ATM: variants seen among roughly 807,000 people sequenced by gnomAD.
ATM encodes serine-protein kinase ATM.
In ATM, 308 loss-of-function variants were observed where a neutral mutation model predicts 387.0. That is an observed-to-expected ratio of 0.80 (90% CI 0.73 to 0.87). The LOEUF is 0.87. Among genes scored for constraint, ATM ranks in the 40% least tolerant of loss-of-function variants. ATM has a pLI of 0.00. For synonymous variants in ATM, 1,156 were observed against 1,187.3 expected, an observed-to-expected ratio of 0.97 and a Z score of 0.54; for missense variants, 3,312 against 3,560.9, an observed-to-expected ratio of 0.93 and a Z score of 1.78.
Position 108,293,491 on chromosome 11 carries a change from C to T in ATM, c.4776+14C>T, listed in dbSNP as rs774594399. 1 of 1,592,436 alleles carries T rather than the reference C, an allele frequency of 6.3e-7. No individual in the cohort carries two copies. The highest frequency in any genetic ancestry group is 8.6e-7 in the Non-Finnish European group (1 of 1,161,774). Reference sequence around the variant, plus strand: ...TCACTCTTGGAGGTAATAAAAATTTCATCATCTACTATTTTTTATTAGAGA... The same window carrying T: ...TCACTCTTGGAGGTAATAAAAATTTTATCATCTACTATTTTTTATTAGAGA... On this transcript the variant is annotated intron_variant, in intron 31 of 62. Transcript: ENST00000675843.
At chr11:108,254,117 A>C (rs1041821903) in intron 13 of ATM, 78 bp downstream of exon 13, 3 of 1,381,358 alleles carry the variant, frequency 2.2e-6, no homozygotes, top group East Asian at 2.4e-5. Flanking sequence ...AAATAGGGGC[A>C]GGAAAAACAG....
At chr11:108,235,550 C>T in intron 4 of ATM, 120 bp from the exon 5 acceptor site, 1 of 983,154 alleles carries the variant, frequency 1.0e-6, no homozygotes, top group East Asian at 2.6e-5. Context: ...AATTTCTTCT[C>T]TACAAAAGAA....
At chr11:108,364,982 C>A (rs2137854564) in intron 61 of ATM, 100 bp from the exon 62 acceptor site, 1 of 1,380,440 alleles carries the variant, frequency 7.2e-7, no homozygotes, top group Non-Finnish European at 1.0e-6. Context: ...CCATCAACTA[C>A]CATGTGACTG....
In ATM at chr11:108,268,589, A is replaced by G. The variant is rs1064795896; in HGVS notation, c.2818A>G (p.Lys940Glu). 1.2e-6 allele frequency: 2 copies of G among 1,613,930 alleles called. No individual in the cohort carries two copies. The highest frequency in any genetic ancestry group is 1.7e-6 in the Non-Finnish European group (2 of 1,180,012). ...LIDSSTLEPT[K>E]SLHLHMYLML... ...TGATTCTAGCACGCTAGAACCTACC[A>G]AATCCCTCCACCTGCATATGGTGAG... Residue 940 changes from lysine to glutamate, a missense_variant, in exon 18 of 63, where the codon AAA (lysine) becomes GAA (glutamate). Physicochemically the swap from Lys to Glu is moderately conservative, Grantham distance 56. Transcript: ENST00000675843.
intron 13 of ATM, among the ~76,000 whole-genome samples, chr11:108,255,424 T>A (rs1235260953): frequency 0.081 from 30 of 370 alleles, no homozygotes; most frequent in Non-Finnish European, 0.16. Context: ...TGTCTAAACT[T>A]TTTTTTTTTT....
chr11:108,254,214 CAAGAA>C (rs2080331691), intron 13 of ATM, among the ~76,000 whole-genome samples, 175 bp downstream of exon 13: 2 of 151,952 alleles, frequency 1.3e-5, no homozygotes, highest in Middle Eastern at 3.2e-3. Flanking sequence ...AAGGAAAACT[CAAGAA>C]TAATAATTTG....
chr11:108,292,307 G>C (rs2082837930), intron 29 of ATM, among the ~76,000 whole-genome samples: 1 of 152,186 alleles, frequency 6.6e-6, no homozygotes, highest in African/African-American at 2.4e-5. Flanking sequence ...CTGTTTTTCA[G>C]TTGGATTTTT....
Position 108,242,490 on chromosome 11 carries a change from A to G in ATM, c.497-1463A>G, listed in dbSNP as rs1269213157. On this transcript the variant is annotated intron_variant, in intron 5 of 62. Transcript: ENST00000675843. ...AGGCATACAGATTGGAAAGGAAGAAATAACACTCCCCTTTGTAGATGACAT... is the reference window on the plus strand; with the variant it reads ...AGGCATACAGATTGGAAAGGAAGAAGTAACACTCCCCTTTGTAGATGACAT... Among the ~76,000 whole-genome samples the G allele has an allele frequency of 3.3e-5, 5 of 152,212 alleles. No homozygotes were observed. In the East Asian group the frequency reaches 7.7e-4, roughly 23 times the overall value.
Position 108,354,888 on chromosome 11 carries a change from T to C in ATM, c.8850+14T>C, listed in dbSNP as rs1294857465. ...ACCATTGTAGAGGTAAAGTATTTTA[T>C]AAGGAAGACTTTATTTTTTTTCTTA... On this transcript the variant is annotated intron_variant, in intron 61 of 62. Coordinates refer to ENST00000675843, the MANE Select transcript of ATM (RefSeq NM_000051.4). The C allele has an allele frequency of 2.5e-6, 4 of 1,603,856 alleles. No individual in the cohort carries two copies. The highest frequency in any genetic ancestry group is 3.4e-6 in the Non-Finnish European group (4 of 1,170,802).
Position 108,348,691 on chromosome 11 carries a change from A to G in ATM, c.8671+1326A>G, listed in dbSNP as rs1219737375. Among the ~76,000 whole-genome samples, 2 of 152,290 alleles carry G rather than the reference A, an allele frequency of 1.3e-5. 1 individual carries two copies. Among genetic ancestry groups the G allele is most frequent in the Admixed American group, 1.3e-4 (2 of 15,296 alleles). On this transcript the variant is annotated intron_variant, in intron 59 of 62. Transcript: ENST00000675843. Reference sequence around the variant, plus strand: ...AAGAACAAAAATAATTAAAGGAAATAAGTTATCACAGGTTTCATTATTTTC... The same window carrying G: ...AAGAACAAAAATAATTAAAGGAAATGAGTTATCACAGGTTTCATTATTTTC...
intron 59 of ATM, among the ~76,000 whole-genome samples, chr11:108,352,325 G>T (rs2089306118): frequency 6.6e-6 from 1 of 152,140 alleles, no homozygotes; most frequent in South Asian, 2.1e-4. Flanking sequence ...TCTCAGTATA[G>T]AAGTAGATAT....
chr11:108,327,537 C>G lies in ATM; in HGVS notation c.6976-108C>G. ...TGAGGAAAAACTTTTTTTTTCCCAC[C>G]CACCAAGGAAAAACATTTTTAACCT... On this transcript the variant is annotated intron_variant, in intron 47 of 62. Coordinates refer to ENST00000675843, the MANE Select transcript of ATM (RefSeq NM_000051.4). The G allele has an allele frequency of 3.5e-6, 3 of 855,054 alleles. No homozygotes were observed. In the South Asian group the frequency reaches 4.5e-5, roughly 13 times the overall value. 53.0% of individuals were successfully genotyped at this position (855,054 alleles called of 1,614,324 possible).
At chr11:108,299,282 A>T (rs972451841) in intron 33 of ATM, among the ~76,000 whole-genome samples, 2 of 151,724 alleles carry the variant, frequency 1.3e-5, no homozygotes, top group Admixed American at 1.3e-4. Flanking sequence ...CCTCAACAAA[A>T]ATTTTAACAG....
At chr11:108,336,868 T>C (rs896080384) in intron 56 of ATM, among the ~76,000 whole-genome samples, 7 of 152,058 alleles carry the variant, frequency 4.6e-5, no homozygotes, top group African/African-American at 1.7e-4. Context: ...TTAACCAGTT[T>C]AGAAATAACA....
At chr11:108,324,535 G>A (rs898800660) in intron 45 of ATM, among the ~76,000 whole-genome samples, 3 of 152,084 alleles carry the variant, frequency 2.0e-5, no homozygotes, top group Non-Finnish European at 4.4e-5. Context: ...TCCGCAAAAA[G>A]TTTGAGACCT....
At position 108,248,949 on chromosome 11, in the gene ATM, C is replaced by G. The variant is rs1565378803; in HGVS notation, c.1082C>G (p.Thr361Ser). The G allele has an allele frequency of 1.2e-6, 2 of 1,609,106 alleles. No individual in the cohort carries two copies. The highest frequency in any genetic ancestry group is 1.7e-6 in the Non-Finnish European group (2 of 1,177,122). Residue 361 changes from threonine (T) to serine (S), a missense_variant, in exon 9 of 63, where the codon ACC becomes AGC. Around this residue, in one of 4 missense-constraint regions of ATM, gnomAD observed 1,791 missense variants for 1,804.5 expected, o/e 0.99. Coordinates refer to ENST00000675843, the MANE Select transcript of ATM (RefSeq NM_000051.4). ...DICHQVFNED[T>S]RSLEISQSYT... ...ATTTTACAGGTTTTTAATGAAGATA[C>G]CAGATCCTTGGAGATTTCTCAATCT...
chr11:108,235,829 G>A lies in ATM; in HGVS notation c.491G>A (p.Trp164Ter), dbSNP rs2135126288. Residue 164 changes from tryptophan to a stop codon, truncating the protein, a stop_gained, in exon 5 of 63, where the codon TGG becomes TAG. Transcript: ENST00000675843. LOFTEE classifies it high-confidence loss of function. ...KYWCEISQQQ[W>*]LELFSVYFRL... ...TGGTGTGAAATATCTCAGCAACAGT[G>A]GTTAGGTATGTTTTGAAGGTTGTTG... 6.2e-7 allele frequency: 1 copy of A among 1,613,738 alleles called. No individual in the cohort carries two copies.
chr11:108,294,858 CT>C lies in ATM; in HGVS notation c.4777-65del, dbSNP rs1035735880. ...TAAATGGCACTTAACTAATTTTTTT[CT>C]TTTATTAAGTTTTATTTCACAGGCT... On this transcript the variant is annotated intron_variant, in intron 31 of 62. Coordinates refer to ENST00000675843, the MANE Select transcript of ATM (RefSeq NM_000051.4). 66 of 1,573,932 alleles carry C rather than the reference CT, an allele frequency of 4.2e-5. No individual in the cohort carries two copies. In the African/African-American group the frequency reaches 8.0e-4, roughly 19 times the overall value.
rs1478503457 is a variant in ATM at position 108,309,080 on chromosome 11, A to G, written c.5763-1080A>G. 3.2e-5 allele frequency: 45 copies of G among 1,425,690 alleles called. No individual in the cohort carries two copies. Among genetic ancestry groups the G allele is most frequent in the Non-Finnish European group, 4.2e-5 (44 of 1,047,118 alleles). The allele number at this position is 1,425,690 out of a possible 1,614,324, so 88.3% of individuals were successfully genotyped here. A position where few individuals can be genotyped will look rare whatever the true frequency, so the allele number is the denominator to read the frequency against. Reference sequence around the variant, plus strand: ...GATCCTGAAGAATATTCCTGGAGAAAGTATGAATGGGATATAGAAAAACGG... The same window carrying G: ...GATCCTGAAGAATATTCCTGGAGAAGGTATGAATGGGATATAGAAAAACGG... On this transcript the variant is annotated intron_variant, in intron 38 of 62. Coordinates refer to ENST00000675843, the MANE Select transcript of ATM (RefSeq NM_000051.4).
Sources: allele counts gnomAD v4.1 joint callset (sites outside exome capture counted in the v4.1 genomes callset), GRCh38; gene constraint gnomAD v4.1.1; regional missense constraint gnomAD v4.1.1; transcripts MANE v1.5; gene names NCBI Gene and HGNC (gene_info 2026-07-23, HGNC 2026-07-21).